The following NHSL1 variants were observed in gnomAD, a reference collection of about 807,000 sequenced individuals.
NHSL1 encodes the protein NHS like 1.
A neutral mutation model predicts 95.0 loss-of-function variants in NHSL1; 48 were observed. The observed-to-expected ratio is 0.51, with a 90% CI of 0.40 to 0.64. The LOEUF is 0.64. NHSL1 is among the 30% of genes least tolerant of loss of function. NHSL1 has a pLI of 0.00. For synonymous variants in NHSL1, 783 were observed against 833.9 expected (o/e 0.94, Z 1.05); for missense variants, 1,971 against 2,077.7 (o/e 0.95, Z 1.00).
At chr6:138,675,704 T>C (rs954518744) in intron 1 of NHSL1, among the ~76,000 whole-genome samples, 7 of 152,020 alleles carry the variant, frequency 4.6e-5, no homozygotes, top group Admixed American at 6.6e-5. Context: ...CAGCTGATTT[T>C]TGTATTTCTA....
At chr6:138,674,018 A>G (rs1222975447) in intron 1 of NHSL1, among the ~76,000 whole-genome samples, 2 of 152,246 alleles carry the variant, frequency 1.3e-5, no homozygotes, top group Non-Finnish European at 2.9e-5. Flanking sequence ...CTTGTATTTT[A>G]TCAGTAGATA....
rs150967004 is a variant in NHSL1 at position 138,610,487 on chromosome 6, T to C, written c.96+81989A>G. Among the ~76,000 whole-genome samples, 430 of 150,926 alleles carry C rather than the reference T, an allele frequency of 2.8e-3. 5 individuals are homozygous for C. The highest frequency in any genetic ancestry group is 9.9e-3 in the African/African-American group (405 of 40,860). On this transcript the variant is annotated intron_variant, in intron 1 of 3. Transcript: ENST00000491526. ...CACACCAACATGGCACATGTATACA[T>C]ATGTTACAAACCTGCACGTTGCGCA...
chr6:138,662,447 C>G (rs746738437), intron 1 of NHSL1, among the ~76,000 whole-genome samples: 6 of 152,156 alleles, frequency 3.9e-5, no homozygotes. Flanking sequence ...ATAGTTGTAT[C>G]CTTTGTTTTA....
intron 3 of NHSL1, among the ~76,000 whole-genome samples, chr6:138,470,779 G>A (rs1050378165): frequency 6.6e-6 from 1 of 152,090 alleles, no homozygotes; most frequent in Non-Finnish European, 1.5e-5. Flanking sequence ...CACCAGGCAG[G>A]TCCTCCCCAC....
chr6:138,514,376 A>G (rs768503207), intron 1 of NHSL1, among the ~76,000 whole-genome samples: 15 of 152,276 alleles, frequency 9.9e-5, no homozygotes, highest in Non-Finnish European at 2.2e-4. Flanking sequence ...GTTAAAAAAA[A>G]TACAGTAGTT....
At chr6:138,426,530 T>C (rs896826107) in intron 7 of NHSL1, among the ~76,000 whole-genome samples, 4 of 152,236 alleles carry the variant, frequency 2.6e-5, no homozygotes, top group Non-Finnish European at 5.9e-5. Flanking sequence ...TACTCATGAA[T>C]GCAGTGATAG....
At chr6:138,511,399 AGT>A (rs1257125651) in intron 1 of NHSL1, among the ~76,000 whole-genome samples, 15 of 145,168 alleles carry the variant, frequency 1.0e-4, no homozygotes, top group South Asian at 9.4e-4. Context: ...AGAGAGAGAG[AGT>A]GTGTGTGTGT....
At chr6:138,680,265 C>T (rs915076732) in intron 1 of NHSL1, among the ~76,000 whole-genome samples, 1 of 152,164 alleles carries the variant, frequency 6.6e-6, no homozygotes, top group Non-Finnish European at 1.5e-5. Context: ...AAAAATAACT[C>T]CACTGACCAC....
Position 138,434,472 on chromosome 6 carries a change from C to T in NHSL1, c.665-792G>A, listed in dbSNP as rs11970110. On this transcript the variant is annotated intron_variant, in intron 5 of 7. Coordinates refer to ENST00000343505, the MANE Select transcript of NHSL1 (RefSeq NM_001144060.2). ...AAGGGCCAACAGAGAGGGACGTGGA[C>T]GAGGTAAACTTTAAGTGTAAACAGT... is the stretch of plus-strand genomic sequence containing the variant. 9.4e-3 allele frequency among the ~76,000 whole-genome samples: 1,393 copies of T among 148,642 alleles called. 19 individuals carry two copies. Among genetic ancestry groups the T allele is most frequent in the African/African-American group, 0.032 (1,317 of 40,526 alleles).
chr6:138,641,622 C>CAAAAA (rs771307557), intron 1 of NHSL1, among the ~76,000 whole-genome samples: 230 of 76,422 alleles, frequency 3.0e-3, no homozygotes, highest in African/African-American at 0.011. Context: ...GACTCCGTCT[C>CAAAAA]AAAAAAAAAA....
At chr6:138,436,329 C>A (rs997263517) in intron 5 of NHSL1, among the ~76,000 whole-genome samples, 1 of 152,202 alleles carries the variant, frequency 6.6e-6, no homozygotes, top group Non-Finnish European at 1.5e-5. Context: ...AATAAAAAAA[C>A]AGCTTTATTG....
chr6:138,600,650 T>C (rs1364643347), intron 1 of NHSL1, among the ~76,000 whole-genome samples: 1 of 152,236 alleles, frequency 6.6e-6, no homozygotes, highest in African/African-American at 2.4e-5. Flanking sequence ...TGAAAAATAA[T>C]ATTAATACCT....
chr6:138,541,678 A>G (rs4075267), intron 1 of NHSL1, among the ~76,000 whole-genome samples: 3,800 of 152,256 alleles, frequency 0.025, 150 homozygotes, highest in African/African-American at 0.087. Context: ...ACTAAGTTCA[A>G]TTTTGTTTTT....
chr6:138,531,349 C>T (rs553393511), intron 1 of NHSL1, among the ~76,000 whole-genome samples: 3 of 152,280 alleles, frequency 2.0e-5, no homozygotes, highest in African/African-American at 7.2e-5. Context: ...TTACAGAATA[C>T]TGTGGTATTT....
rs1019234137 is a variant in NHSL1 at position 138,442,237 on chromosome 6, T to C, written c.533-123A>G. The C allele has an allele frequency of 1.9e-5, 19 of 996,154 alleles. No individual in the cohort carries two copies. The Admixed American group carries it at 6.3e-4, about 33-fold the overall frequency. 61.7% of individuals were successfully genotyped at this position (996,154 alleles called of 1,614,324 possible). On this transcript the variant is annotated intron_variant, in intron 4 of 7. Transcript: ENST00000343505. ...GTATTAATAATGTTAGCCAGTCATA[T>C]GATGATGAATGCTGAAGGGCAAAAA...
In NHSL1 at chr6:138,491,924, C is replaced by A. The variant is rs112373894; in HGVS notation, c.211+4295G>T. Among the ~76,000 whole-genome samples, 23 of 152,190 alleles carry A rather than the reference C, an allele frequency of 1.5e-4. 4 individuals carry two copies. Among genetic ancestry groups the A allele is most frequent in the African/African-American group, 5.3e-4 (22 of 41,518 alleles). On this transcript the variant is annotated intron_variant, in intron 2 of 7. Coordinates refer to ENST00000343505, the MANE Select transcript of NHSL1 (RefSeq NM_001144060.2). ...GCTCAAAAAGTTTTGGATTTTGGAG[C>A]ATTTCAGATTTCTAATTTTCAGATT...
chr6:138,456,012 C>A (rs1031142876), intron 3 of NHSL1, among the ~76,000 whole-genome samples: 1 of 152,210 alleles, frequency 6.6e-6, no homozygotes, highest in African/African-American at 2.4e-5. Context: ...ATCATCTGAG[C>A]ATCTAGTCTG....
intron 4 of NHSL1, among the ~76,000 whole-genome samples, chr6:138,446,106 C>A (rs1281432052): frequency 6.7e-6 from 1 of 150,146 alleles, no homozygotes; most frequent in African/African-American, 2.5e-5. Flanking sequence ...TGCGATCTCT[C>A]GGCTCACTGC....
chr6:138,544,763 T>C (rs1011146085), intron 1 of NHSL1, among the ~76,000 whole-genome samples: 1 of 151,904 alleles, frequency 6.6e-6, no homozygotes, highest in African/African-American at 2.4e-5. Context: ...ATTTCAACAA[T>C]CACATAGACA....
Sources: allele counts gnomAD v4.1 joint callset (sites outside exome capture counted in the v4.1 genomes callset), GRCh38; gene constraint gnomAD v4.1.1; transcripts MANE v1.5; gene names NCBI Gene and HGNC (gene_info 2026-07-23, HGNC 2026-07-21).